CHD9: variants seen among roughly 807,000 people sequenced by gnomAD.
CHD9 encodes the protein chromodomain helicase DNA binding protein 9.
In CHD9, 77 loss-of-function variants were observed where a neutral mutation model predicts 316.1. The observed-to-expected ratio is 0.24, with a 90% CI of 0.20 to 0.29. The LOEUF (loss-of-function observed/expected upper bound fraction) is 0.29. CHD9 is among the 10% of genes least tolerant of loss of function. CHD9 has a pLI of 1.00. For synonymous variants in CHD9, 1,129 were observed against 1,158.3 expected, an observed-to-expected ratio of 0.97 and a Z score of 0.51; for missense variants, 2,763 against 3,438.1, an observed-to-expected ratio of 0.80 and a Z score of 4.91.
chr16:53,130,194 T>C lies in CHD9; in HGVS notation c.-164-25732T>C, dbSNP rs373928340. 1.8e-4 allele frequency among the ~76,000 whole-genome samples: 28 copies of C among 151,570 alleles called. No homozygotes were observed. In the East Asian group the frequency reaches 5.5e-3, roughly 30 times the overall value. On this transcript the variant is annotated intron_variant, in intron 1 of 38. Transcript: ENST00000447540. ...GGTCTCCGCGGCGGGCGCCGGCTACTGCAGGTGCTGGCACCTGGGCTCAAT... is the reference window on the plus strand; with the variant it reads ...GGTCTCCGCGGCGGGCGCCGGCTACCGCAGGTGCTGGCACCTGGGCTCAAT...
chr16:53,076,250 T>A (rs887953652), intron 1 of CHD9, among the ~76,000 whole-genome samples: 1 of 152,132 alleles, frequency 6.6e-6, no homozygotes, highest in Non-Finnish European at 1.5e-5. Flanking sequence ...CATTAAAAAA[T>A]TTTTCATAAC....
intron 1 of CHD9, among the ~76,000 whole-genome samples, chr16:53,118,643 G>T (rs191602484): frequency 6.6e-6 from 1 of 152,144 alleles, no homozygotes; most frequent in African/African-American, 2.4e-5. Flanking sequence ...ATGGGGTTTA[G>T]TGCAAATAAA....
chr16:53,305,211 A>C (rs1283590043), intron 31 of CHD9, among the ~76,000 whole-genome samples: 1 of 151,072 alleles, frequency 6.6e-6, no homozygotes, highest in Non-Finnish European at 1.5e-5. Context: ...ACAGGCACCC[A>C]CCACCATGTC....
At chr16:53,237,868 T>C (rs73599646) in intron 11 of CHD9, among the ~76,000 whole-genome samples, 4,921 of 152,168 alleles carry the variant, frequency 0.032, 99 homozygotes, top group Middle Eastern at 0.071. Flanking sequence ...GCTCTTCTGA[T>C]GTGCAGCCAC....
chr16:53,110,491 T>A (rs1252734667), intron 1 of CHD9, among the ~76,000 whole-genome samples: 1 of 152,212 alleles, frequency 6.6e-6, no homozygotes, highest in East Asian at 1.9e-4. Context: ...GCTGGCACCG[T>A]AGCTCACGCC....
At chr16:53,308,047 C>A in intron 33 of CHD9, 94 bp downstream of exon 33, 1 of 1,041,198 alleles carries the variant, frequency 9.6e-7, no homozygotes, top group Non-Finnish European at 1.4e-6. Flanking sequence ...CTCTTCCTTC[C>A]TTCACATACC....
intron 12 of CHD9, among the ~76,000 whole-genome samples, chr16:53,240,166 C>CA (rs2048969291): frequency 6.6e-6 from 1 of 152,120 alleles, no homozygotes; most frequent in African/African-American, 2.4e-5. Flanking sequence ...CTCAGCCTCC[C>CA]AAAGTGCTGG....
chr16:53,140,782 G>T (rs2040055497), intron 1 of CHD9, among the ~76,000 whole-genome samples: 1 of 152,172 alleles, frequency 6.6e-6, no homozygotes, highest in Admixed American at 6.5e-5. Flanking sequence ...GGAGAGACTG[G>T]GTCTCGCTGT....
chr16:53,280,212 A>T (rs1264631807), intron 24 of CHD9, among the ~76,000 whole-genome samples: 1 of 152,228 alleles, frequency 6.6e-6, no homozygotes, highest in Non-Finnish European at 1.5e-5. Context: ...TTAAAAACAT[A>T]CTTGCTCACA....
intron 1 of CHD9, among the ~76,000 whole-genome samples, chr16:53,115,088 T>G (rs563664669): frequency 6.6e-6 from 1 of 152,348 alleles, no homozygotes; most frequent in Admixed American, 6.5e-5. Flanking sequence ...CTTAGGTTAC[T>G]TGAATGCCTC....
At chr16:53,181,588 G>T (rs1031218737) in intron 2 of CHD9, among the ~76,000 whole-genome samples, 2 of 151,984 alleles carry the variant, frequency 1.3e-5, no homozygotes, top group South Asian at 2.1e-4. Context: ...AATTTTTTTT[G>T]GAGTAGCTTG....
At chr16:53,269,160 A>G (rs1442891045) in intron 22 of CHD9, among the ~76,000 whole-genome samples, 9 of 152,138 alleles carry the variant, frequency 5.9e-5, no homozygotes, top group South Asian at 2.1e-4. Flanking sequence ...CCAATTTACA[A>G]TCCTCTCAGA....
intron 3 of CHD9, among the ~76,000 whole-genome samples, chr16:53,218,165 C>T (rs150307065): frequency 0.012 from 1,851 of 152,118 alleles, 42 homozygotes; most frequent in African/African-American, 0.043. Context: ...TCTGAAATAT[C>T]TCTTACAAAG....
intron 1 of CHD9, among the ~76,000 whole-genome samples, chr16:53,149,878 T>C (rs1224307559): frequency 6.6e-6 from 1 of 151,884 alleles, no homozygotes; most frequent in Non-Finnish European, 1.5e-5. Context: ...GTAACCTTTT[T>C]TTACTTACAG....
At chr16:53,202,185 A>G (rs1009717983) in intron 2 of CHD9, among the ~76,000 whole-genome samples, 4 of 152,198 alleles carry the variant, frequency 2.6e-5, no homozygotes, top group Middle Eastern at 3.4e-3. Flanking sequence ...TTAAAACACA[A>G]CTACAAAACC....
chr16:53,122,001 T>C (rs2152656200), intron 1 of CHD9: 1 of 152,362 alleles, frequency 6.6e-6, no homozygotes, highest in East Asian at 1.9e-4. Context: ...TGTTAGAGTC[T>C]ATAATGTAAT....
At position 53,227,410 on chromosome 16, in the gene CHD9, A is replaced by G; in HGVS notation, c.2058A>G (p.Glu686=). 3 of 1,569,774 alleles carry G rather than the reference A, an allele frequency of 1.9e-6. No homozygotes were observed. Residue 686 remains glutamate, a synonymous_variant, in exon 6 of 39, where the codon GAA becomes GAG. Coordinates refer to ENST00000447540, the MANE Select transcript of CHD9 (RefSeq NM_001308319.2). ...CCCTCCCATAGGAGAATCCGAGTGA[A>G]GAAGATGCTGCAATTGTAGACAAAA... ...PLQLFVENPS[E]EDAAIVDKIL...
rs201644074 is a variant in CHD9, at chr16:53,121,019, A to C, written c.-164-34907A>C. On this transcript the variant is annotated intron_variant, in intron 1 of 38. Transcript: ENST00000447540. ...AGACTCTTGTCTCAAAACAAACAAAAACAAACAAACAAAAACCCTATAAAC... is the reference window on the plus strand; with the variant it reads ...AGACTCTTGTCTCAAAACAAACAAACACAAACAAACAAAAACCCTATAAAC... Among the ~76,000 whole-genome samples the C allele has an allele frequency of 2.0e-5, 3 of 152,110 alleles. No homozygotes were observed. In the East Asian group the frequency reaches 5.8e-4, roughly 29 times the overall value.
chr16:53,151,480 T>G (rs1295832292), intron 1 of CHD9, among the ~76,000 whole-genome samples: 1 of 152,074 alleles, frequency 6.6e-6, no homozygotes, highest in East Asian at 1.9e-4. Flanking sequence ...GGTCTCGAAC[T>G]CCTGACCTCA....
Sources: allele counts gnomAD v4.1 joint callset (sites outside exome capture counted in the v4.1 genomes callset), GRCh38; gene constraint gnomAD v4.1.1; transcripts MANE v1.5; gene names NCBI Gene and HGNC (gene_info 2026-07-23, HGNC 2026-07-21).